TCERG1L: variants seen among roughly 807,000 people sequenced by gnomAD.
The protein encoded by TCERG1L is transcription elongation regulator 1-like protein.
A neutral mutation model predicts 56.3 loss-of-function variants in TCERG1L; 37 were observed. That is an observed-to-expected ratio of 0.66 (90% CI 0.51 to 0.87). TCERG1L has a LOEUF of 0.87. Ranked by LOEUF, TCERG1L falls within the 40% of genes least tolerant of loss-of-function variation. The pLI, the probability that TCERG1L is intolerant of heterozygous loss-of-function variation, is 0.00. For synonymous variants in TCERG1L, 324 were observed against 326.3 expected, an observed-to-expected ratio of 0.99 and a Z score of 0.08; for missense variants, 799 against 774.2, an observed-to-expected ratio of 1.03 and a Z score of -0.38.
At chr10:131,173,173 G>A (rs1247407144) in intron 4 of TCERG1L, among the ~76,000 whole-genome samples, 1 of 152,068 alleles carries the variant, frequency 6.6e-6, no homozygotes, top group Non-Finnish European at 1.5e-5. Context: ...TTACAGGTGT[G>A]AGCCACCCCA....
chr10:131,174,201 C>A (rs566554989), intron 4 of TCERG1L, among the ~76,000 whole-genome samples: 1 of 152,168 alleles, frequency 6.6e-6, no homozygotes, highest in East Asian at 1.9e-4. Context: ...TGCCTGCTGC[C>A]GCCTCAGGAG....
Position 131,311,680 on chromosome 10 carries a change from C to G in TCERG1L, c.-45G>C, listed in dbSNP as rs1243499409. Reference sequence around the variant, plus strand: ...GGCGGCGGCGGGGGCGGCGGGCGCCCGAGATGCTGGGCCGGCGGCGGCGCG... The same window carrying G: ...GGCGGCGGCGGGGGCGGCGGGCGCCGGAGATGCTGGGCCGGCGGCGGCGCG... On this transcript the variant is annotated 5_prime_UTR_variant, in exon 1 of 12. Coordinates refer to ENST00000368642, the MANE Select transcript of TCERG1L (RefSeq NM_174937.4). This position sits in a 1 kb window ranked among gnomAD's most constrained non-coding sequence, Gnocchi z 4.0. 3.0e-6 allele frequency: 3 copies of G among 1,010,286 alleles called. No individual in the cohort carries two copies. Among genetic ancestry groups the G allele is most frequent in the East Asian group, 5.6e-5 (1 of 17,770 alleles). The allele number at this position is 1,010,286 out of a possible 1,614,324, so 62.6% of individuals were successfully genotyped here. A position where few individuals can be genotyped will look rare whatever the true frequency, so the allele number is the denominator to read the frequency against.
At chr10:131,176,903 T>TGCACACAGAGACACG in intron 4 of TCERG1L, among the ~76,000 whole-genome samples, 1 of 39,926 alleles carries the variant, frequency 2.5e-5, no homozygotes, top group Admixed American at 2.0e-4. Flanking sequence ...CACAGACACA[T>TGCACACAGAGACACG]TCACACACCA....
intron 4 of TCERG1L, among the ~76,000 whole-genome samples, chr10:131,175,985 C>T (rs11598306): frequency 6.6e-6 from 1 of 152,322 alleles, no homozygotes; most frequent in Non-Finnish European, 1.5e-5. Flanking sequence ...CAGTACCAGG[C>T]TGAGTTATTT....
chr10:131,291,589 G>T (rs1471644855), intron 3 of TCERG1L, among the ~76,000 whole-genome samples: 2 of 150,702 alleles, frequency 1.3e-5, no homozygotes, highest in African/African-American at 4.9e-5. Context: ...AACACACCCG[G>T]CTAATTTTTT....
intron 7 of TCERG1L, among the ~76,000 whole-genome samples, chr10:131,145,086 T>C (rs1230355673): frequency 6.6e-6 from 1 of 152,252 alleles, no homozygotes; most frequent in East Asian, 1.9e-4. Context: ...CCAAATTATC[T>C]ACAAGAACGC....
At chr10:131,229,693 AAATATTTAGAATATTTATAG>A (rs1845828925) in intron 4 of TCERG1L, among the ~76,000 whole-genome samples, 1 of 152,054 alleles carries the variant, frequency 6.6e-6, no homozygotes, top group Non-Finnish European at 1.5e-5. Flanking sequence ...GTTACCTCCT[AAATATTTAGAATATTTATAG>A]AATATTTACC....
rs777306415 is a variant in TCERG1L at position 131,260,231 on chromosome 10, A to G, written c.856+28T>C. 5 of 1,345,040 alleles carry G rather than the reference A, an allele frequency of 3.7e-6. No individual in the cohort carries two copies. In the East Asian group the frequency reaches 1.1e-4, roughly 31 times the overall value. 83.3% of individuals were successfully genotyped at this position (1,345,040 alleles called of 1,614,324 possible). On this transcript the variant is annotated intron_variant, in intron 4 of 11. Transcript: ENST00000368642. The surrounding 1 kb of genome is among the most constrained non-coding windows in gnomAD (Gnocchi z 5.8). The stretch of plus-strand genomic sequence containing the variant: ...TCCGCGCGCTCGCTAAGGCAGCACC[A>G]GGCGTCGGGACGGCGCTCCGAGCCT...
At position 131,104,343 on chromosome 10, in the gene TCERG1L, A is replaced by T. The variant is rs1402069579; in HGVS notation, c.1407T>A (p.Phe469Leu). 5.3e-5 allele frequency: 82 copies of T among 1,542,736 alleles called. No individual in the cohort carries two copies. Among genetic ancestry groups the T allele is most frequent in the Non-Finnish European group, 6.6e-5 (75 of 1,139,016 alleles). ...TGTGTAATTCTTTCTCCCAGGTAGAAAATGCTGATACCTAAAGAAAGATAT... is the reference window on the plus strand; with the variant it reads ...TGTGTAATTCTTTCTCCCAGGTAGATAATGCTGATACCTAAAGAAAGATAT... ...DMLLERGVSA[F>L]STWEKELHKI... is the part of the protein sequence containing the mutation. Residue 469 changes from phenylalanine to leucine, a missense_variant, in exon 10 of 12, where the codon TTT becomes TTA. By Grantham distance (22) the Phe-to-Leu change is conservative. Coordinates refer to ENST00000368642, the MANE Select transcript of TCERG1L (RefSeq NM_174937.4).
chr10:131,093,685 T>C (rs1471621554), intron 11 of TCERG1L, among the ~76,000 whole-genome samples: 1 of 152,218 alleles, frequency 6.6e-6, no homozygotes, highest in Non-Finnish European at 1.5e-5. Flanking sequence ...AGGCTCTGCC[T>C]GCCACGGTCT....
intron 4 of TCERG1L, among the ~76,000 whole-genome samples, chr10:131,251,205 G>A (rs112944856): frequency 4.6e-5 from 7 of 152,102 alleles, no homozygotes; most frequent in East Asian, 1.9e-4. Flanking sequence ...GAGCTCTGCC[G>A]TGGCCCTGAC....
At chr10:131,271,613 G>A (rs995191177) in intron 3 of TCERG1L, among the ~76,000 whole-genome samples, 5 of 152,252 alleles carry the variant, frequency 3.3e-5, no homozygotes, top group East Asian at 1.9e-4. Context: ...AATTATGCCC[G>A]CCGGTGGGAT....
intron 8 of TCERG1L, among the ~76,000 whole-genome samples, chr10:131,127,333 T>C (rs1405519705): frequency 6.6e-6 from 1 of 152,126 alleles, no homozygotes; most frequent in Non-Finnish European, 1.5e-5. Flanking sequence ...CTGAGGCACG[T>C]CCCAGGCCCC....
intron 4 of TCERG1L, among the ~76,000 whole-genome samples, chr10:131,224,544 C>G (rs1001449383): frequency 2.0e-5 from 3 of 152,200 alleles, no homozygotes; most frequent in Admixed American, 1.3e-4. Flanking sequence ...GTCTGATTGA[C>G]AGCGAGATGT....
chr10:131,286,607 AATACT>A (rs2133568604), intron 3 of TCERG1L, among the ~76,000 whole-genome samples: 1 of 152,342 alleles, frequency 6.6e-6, no homozygotes, highest in Admixed American at 6.5e-5. Flanking sequence ...TGTGTATATA[AATACT>A]ATATAAGTGT....
chr10:131,120,793 T>C (rs957298273), intron 8 of TCERG1L, among the ~76,000 whole-genome samples: 2 of 152,206 alleles, frequency 1.3e-5, no homozygotes, highest in Non-Finnish European at 2.9e-5. Context: ...GTGGATTCAG[T>C]GAGATGGTCC....
Position 131,093,112 on chromosome 10 carries a change from C to T in TCERG1L, c.*50G>A, listed in dbSNP as rs758420083. On this transcript the variant is annotated 3_prime_UTR_variant, in exon 12 of 12. Transcript: ENST00000368642. ...CCGTCTCCACCGTGACCCCCTCGCC[C>T]CCGGCACGCCCAGGGTCAACCCCCG... is the stretch of plus-strand genomic sequence containing the variant. 1.9e-6 allele frequency: 3 copies of T among 1,589,796 alleles called. No homozygotes were observed. Among genetic ancestry groups the T allele is most frequent in the Admixed American group, 3.5e-5 (2 of 57,540 alleles).
At chr10:131,264,637 C>T (rs1023736185) in intron 3 of TCERG1L, among the ~76,000 whole-genome samples, 2 of 152,224 alleles carry the variant, frequency 1.3e-5, no homozygotes, top group African/African-American at 4.8e-5. Flanking sequence ...TGGGGCCAGT[C>T]ACGCTCCCAG....
At chr10:131,290,612 G>C (rs149982875) in intron 3 of TCERG1L, among the ~76,000 whole-genome samples, 2,283 of 82,282 alleles carry the variant, frequency 0.028, 67 homozygotes, top group African/African-American at 0.097. Context: ...GCCTGGACAA[G>C]AACAGTGAAA....
Sources: gnomAD v4.1 joint callset for allele counts (sites outside exome capture counted in the v4.1 genomes callset) on GRCh38, gnomAD v4.1.1 for gene constraint, Gnocchi (gnomAD v3.1) non-coding constraint, MANE v1.5 for transcripts, NCBI Gene and HGNC (gene_info 2026-07-23, HGNC 2026-07-21) for gene names.